Variants in PFKP observed in about 807,000 individuals in gnomAD.
PFKP encodes phosphofructokinase, platelet, also known as ATP-dependent 6-phosphofructokinase, platelet type.
PFKP carries 101 observed loss-of-function variants against 94.3 expected under a neutral mutation model. The observed-to-expected ratio is 1.07, with a 90% CI of 0.91 to 1.26. The LOEUF is 1.26. PFKP is among the 50% of genes most tolerant of loss of function. The pLI, the probability that PFKP is intolerant of heterozygous loss-of-function variation, is 0.00. For synonymous variants in PFKP, 573 were observed against 432.6 expected (o/e 1.32, Z -4.03); for missense variants, 1,145 against 1,103.3 (o/e 1.04, Z -0.53).
At chr10:3,091,676 G>A (rs375503749) in intron 2 of PFKP, among the ~76,000 whole-genome samples, 5 of 152,246 alleles carry the variant, frequency 3.3e-5, no homozygotes, top group African/African-American at 7.2e-5. Flanking sequence ...GTAGCTGGGC[G>A]TGGTGTAATC....
intron 16 of PFKP, among the ~76,000 whole-genome samples, chr10:3,121,239 C>T (rs541888803): frequency 6.6e-6 from 1 of 152,328 alleles, no homozygotes; most frequent in African/African-American, 2.4e-5. Context: ...AGTTGCTAAT[C>T]TCTGACCTAG....
At chr10:3,089,652 T>C (rs989271492) in intron 2 of PFKP, among the ~76,000 whole-genome samples, 2 of 149,992 alleles carry the variant, frequency 1.3e-5, no homozygotes, top group African/African-American at 2.4e-5. Flanking sequence ...ATATATATTA[T>C]GTATATATTA....
At chr10:3,125,668 C>A (rs1304349845) in intron 16 of PFKP, among the ~76,000 whole-genome samples, 1 of 152,214 alleles carries the variant, frequency 6.6e-6, no homozygotes, top group Non-Finnish European at 1.5e-5. Context: ...GGAAAACAGC[C>A]TTCCTGGTGA....
chr10:3,125,068 C>T, intron 16 of PFKP: 1 of 1,210,182 alleles, frequency 8.3e-7, no homozygotes, highest in Non-Finnish European at 1.1e-6. Flanking sequence ...CCCGGCACCC[C>T]CGCTAACCGC....
intron 2 of PFKP, among the ~76,000 whole-genome samples, chr10:3,089,010 C>T (rs1833844159): frequency 6.6e-6 from 1 of 152,146 alleles, no homozygotes; most frequent in Non-Finnish European, 1.5e-5. Flanking sequence ...TCGCTCACTG[C>T]AACCTCTGCC....
chr10:3,111,171 T>G (rs914649363), intron 10 of PFKP, among the ~76,000 whole-genome samples: 2 of 152,186 alleles, frequency 1.3e-5, no homozygotes, highest in African/African-American at 4.8e-5. Flanking sequence ...TATATGGATG[T>G]GTGTGTATGT....
chr10:3,088,069 A>G (rs961108443), intron 2 of PFKP, among the ~76,000 whole-genome samples: 5 of 141,684 alleles, frequency 3.5e-5, no homozygotes, highest in African/African-American at 1.4e-4. Context: ...CTATGTATAC[A>G]TGTGCCATGT....
chr10:3,078,587 G>A (rs1404306615), intron 1 of PFKP, among the ~76,000 whole-genome samples: 2 of 152,232 alleles, frequency 1.3e-5, no homozygotes, highest in Non-Finnish European at 2.9e-5. Context: ...CACAGGCATT[G>A]TAATAGAGGA....
chr10:3,107,091 T>A, intron 7 of PFKP, 123 bp from the exon 8 acceptor site: 1 of 642,948 alleles, frequency 1.6e-6, no homozygotes, highest in Non-Finnish European at 2.8e-6. Context: ...CTTAGGAAGT[T>A]AGGCAAAGAT....
Position 3,129,494 on chromosome 10 carries a change from G to A in PFKP, c.1684-325G>A, listed in dbSNP as rs114445459. ...TCAGCAGGGACAGTCACAGAGCAGCGTGGAGTGAGCTGGCTTGTGGGGTCG... is the reference window on the plus strand; with the variant it reads ...TCAGCAGGGACAGTCACAGAGCAGCATGGAGTGAGCTGGCTTGTGGGGTCG... On this transcript the variant is annotated intron_variant, in intron 16 of 21. Coordinates refer to ENST00000381125, the MANE Select transcript of PFKP (RefSeq NM_002627.5). 2,052 of 318,164 alleles carry A rather than the reference G, an allele frequency of 6.4e-3. 48 individuals carry two copies. Among genetic ancestry groups the A allele is most frequent in the African/African-American group, 0.042 (1,946 of 45,828 alleles). 19.7% of individuals were successfully genotyped at this position (318,164 alleles called of 1,614,324 possible). A position where few individuals can be genotyped will look rare whatever the true frequency, so the allele number is the denominator to read the frequency against.
rs759370848 is a variant in PFKP at position 3,103,827 on chromosome 10, T to A, written c.503T>A (p.Val168Glu). ...CAGAAGTACGCCTACCTCAACGTGG[T>A]GGGCATGGTGGGCTCCATCGACAAT... ...AVQKYAYLNV[V>E]GMVGSIDNDF... The change falls in exon 5 of 22, where the codon GTG becomes GAG. Residue 168 changes from valine to glutamate, a missense_variant. Around this residue, in one of 3 missense-constraint regions of PFKP, gnomAD observed 1,119 missense variants for 1,062.8 expected, o/e 1.05. Coordinates refer to ENST00000381125, the MANE Select transcript of PFKP (RefSeq NM_002627.5). 2.5e-6 allele frequency: 4 copies of A among 1,613,892 alleles called. No individual in the cohort carries two copies. Among genetic ancestry groups the A allele is most frequent in the Non-Finnish European group, 3.4e-6 (4 of 1,180,024 alleles).
chr10:3,128,572 C>T (rs1472962964), intron 16 of PFKP, among the ~76,000 whole-genome samples: 1 of 152,242 alleles, frequency 6.6e-6, no homozygotes, highest in Non-Finnish European at 1.5e-5. Context: ...AGGAGCGTCC[C>T]TCGTGGCCCG....
At chr10:3,107,741 C>A in intron 8 of PFKP, 1 of 822,864 alleles carries the variant, frequency 1.2e-6, no homozygotes, top group Non-Finnish European at 1.3e-6. Context: ...ATCAGCTGAG[C>A]ACATTCTTAC....
chr10:3,129,222 G>C (rs544620944), intron 16 of PFKP: 1 of 152,210 alleles, frequency 6.6e-6, no homozygotes, highest in Non-Finnish European at 1.5e-5. Context: ...TCTGGGATCC[G>C]ATGCCTGTGC....
chr10:3,120,381 G>GTA (rs1322888810), intron 16 of PFKP, among the ~76,000 whole-genome samples: 7 of 150,966 alleles, frequency 4.6e-5, no homozygotes, highest in African/African-American at 1.7e-4. Flanking sequence ...GTGTGTGTGT[G>GTA]TGTGTGTGTG....
At chr10:3,068,301 G>T (rs1354427975) in intron 1 of PFKP, among the ~76,000 whole-genome samples, 1 of 152,196 alleles carries the variant, frequency 6.6e-6, no homozygotes, top group Non-Finnish European at 1.5e-5. Flanking sequence ...CTGCAATGCG[G>T]GACGCGGCGG....
chr10:3,069,379 G>T lies in PFKP; in HGVS notation c.112+1672G>T, dbSNP rs769351041. The T allele has an allele frequency of 3.1e-6, 5 of 1,589,712 alleles. No individual in the cohort carries two copies. In the East Asian group the frequency reaches 1.1e-4, roughly 36 times the overall value. On this transcript the variant is annotated intron_variant, in intron 1 of 21. Coordinates refer to ENST00000381125, the MANE Select transcript of PFKP (RefSeq NM_002627.5). ...GGCCCGCGTGACTTAAACCGGCCCG[G>T]AGATGTGCGGGTACGAATGGAGCCG...
chr10:3,096,525 T>A (rs1243549373), intron 2 of PFKP, among the ~76,000 whole-genome samples: 1 of 152,100 alleles, frequency 6.6e-6, no homozygotes, highest in Non-Finnish European at 1.5e-5. Flanking sequence ...TCTGCTGCAG[T>A]TCAGGCCCCA....
intron 2 of PFKP, among the ~76,000 whole-genome samples, chr10:3,088,398 G>C (rs1833793294): frequency 6.6e-6 from 1 of 152,074 alleles, no homozygotes; most frequent in Admixed American, 6.5e-5. Context: ...GTCTATCACT[G>C]ATGGGCATTT....
Sources: allele counts gnomAD v4.1 joint callset (sites outside exome capture counted in the v4.1 genomes callset), GRCh38; gene constraint gnomAD v4.1.1; regional missense constraint gnomAD v4.1.1; transcripts MANE v1.5; gene names NCBI Gene and HGNC (gene_info 2026-07-23, HGNC 2026-07-21).